PDE1C: variants seen among roughly 807,000 people sequenced by gnomAD.
The protein encoded by PDE1C is phosphodiesterase 1C.
A neutral mutation model predicts 93.1 loss-of-function variants in PDE1C; 62 were observed. That is an observed-to-expected ratio of 0.67 (90% CI 0.54 to 0.82). The LOEUF (loss-of-function observed/expected upper bound fraction) is 0.82, where lower values mean the gene tolerates loss of function less well. Ranked by LOEUF, PDE1C falls within the 40% of genes least tolerant of loss-of-function variation. The pLI, the probability that PDE1C is intolerant of heterozygous loss-of-function variation, is 0.00. For synonymous variants in PDE1C, 325 were observed against 310.1 expected, an observed-to-expected ratio of 1.05 and a Z score of -0.50; for missense variants, 742 against 884.6, an observed-to-expected ratio of 0.84 and a Z score of 2.04.
chr7:32,268,874 A>T (rs1375976348), intron 1 of PDE1C, among the ~76,000 whole-genome samples: 1 of 152,158 alleles, frequency 6.6e-6, no homozygotes, highest in Non-Finnish European at 1.5e-5. Context: ...AATGCTGTCC[A>T]GGGAGGGGGC....
chr7:32,308,485 T>C (rs1216695789), intron 1 of PDE1C, among the ~76,000 whole-genome samples: 1 of 152,142 alleles, frequency 6.6e-6, no homozygotes, highest in East Asian at 1.9e-4. Context: ...CACCCCCCAG[T>C]AGTGGCAGAC....
chr7:31,818,600 C>T (rs1468024922), intron 14 of PDE1C, among the ~76,000 whole-genome samples: 2 of 152,162 alleles, frequency 1.3e-5, no homozygotes, highest in Non-Finnish European at 2.9e-5. Flanking sequence ...AGTATATAAA[C>T]TCTAAGTCTT....
At chr7:31,701,851 G>A in the PDE1C span, among the ~76,000 whole-genome samples, 1 of 152,190 alleles carries the variant, frequency 6.6e-6, no homozygotes, top group South Asian at 2.1e-4. Context: ...TATTTTTAAA[G>A]ACATAATGCT....
At chr7:32,267,681 AC>A (rs1175883066) in intron 1 of PDE1C, among the ~76,000 whole-genome samples, 7 of 148,444 alleles carry the variant, frequency 4.7e-5, no homozygotes, top group African/African-American at 1.8e-4. Context: ...CTTCTCTAGC[AC>A]CCCTGGCAGT....
intron 2 of PDE1C, among the ~76,000 whole-genome samples, chr7:32,182,004 A>G (rs1803475832): frequency 6.6e-6 from 1 of 152,248 alleles, no homozygotes; most frequent in African/African-American, 2.4e-5. Flanking sequence ...AACTACCATC[A>G]GAGAATACTA....
At chr7:31,672,768 G>C in the PDE1C span, among the ~76,000 whole-genome samples, 1 of 151,518 alleles carries the variant, frequency 6.6e-6, no homozygotes, top group East Asian at 1.9e-4. Context: ...GAATGGGAAA[G>C]CTTTATAGTG....
At chr7:31,896,292 C>G (rs928251001) in intron 2 of PDE1C, among the ~76,000 whole-genome samples, 1 of 152,076 alleles carries the variant, frequency 6.6e-6, no homozygotes, top group Non-Finnish European at 1.5e-5. Flanking sequence ...GGGGTAGAAA[C>G]AGGACCTGTA....
At chr7:32,149,937 C>G (rs1032613656) in intron 3 of PDE1C, among the ~76,000 whole-genome samples, 1 of 152,150 alleles carries the variant, frequency 6.6e-6, no homozygotes, top group East Asian at 1.9e-4. Flanking sequence ...AAGTAATGAT[C>G]CCACATTCTG....
chr7:32,097,157 C>T (rs1048832546), intron 3 of PDE1C, among the ~76,000 whole-genome samples: 2 of 152,136 alleles, frequency 1.3e-5, no homozygotes, highest in Non-Finnish European at 2.9e-5. Flanking sequence ...TGAGACCTAC[C>T]TGCATGAGGG....
intron 2 of PDE1C, among the ~76,000 whole-genome samples, chr7:31,933,585 C>T (rs998583485): frequency 6.6e-6 from 1 of 152,164 alleles, no homozygotes; most frequent in African/African-American, 2.4e-5. Context: ...TCTGGATACT[C>T]GTCCCTGCCC....
chr7:32,334,320 T>A (rs975929251), intron 1 of PDE1C, among the ~76,000 whole-genome samples: 1 of 152,242 alleles, frequency 6.6e-6, no homozygotes, highest in African/African-American at 2.4e-5. Flanking sequence ...CTATATTTTT[T>A]AACATAATTC....
At chr7:31,808,809 A>T (rs73319142) in intron 16 of PDE1C, among the ~76,000 whole-genome samples, 2,152 of 152,100 alleles carry the variant, frequency 0.014, 48 homozygotes, top group African/African-American at 0.05. Context: ...AGGGTATAGA[A>T]AACATTTGTG....
chr7:32,239,395 T>C (rs964914556), intron 1 of PDE1C, among the ~76,000 whole-genome samples: 10 of 152,034 alleles, frequency 6.6e-5, no homozygotes, highest in South Asian at 4.2e-4. Context: ...TCTGTTTCTT[T>C]AAAAAAGAAA....
At chr7:32,422,114 C>A (rs1785443328) in intron 1 of PDE1C, among the ~76,000 whole-genome samples, 1 of 152,170 alleles carries the variant, frequency 6.6e-6, no homozygotes, top group Non-Finnish European at 1.5e-5. Flanking sequence ...AGGGGCCCCA[C>A]ACTTGCCCAT....
chr7:31,753,562 C>T lies in PDE1C; in HGVS notation c.1961-9G>A, dbSNP rs1224995151. ...CAAAGGAGGCTTGATGACTGGCGGC[C>T]ATGGAAAGGAAGACAGACAACGGTT... is the stretch of plus-strand genomic sequence containing the variant. On this transcript the variant is annotated splice_polypyrimidine_tract_variant and intron_variant, in intron 17 of 17. Transcript: ENST00000396191. 2 of 1,605,918 alleles carry T rather than the reference C, an allele frequency of 1.2e-6. No individual in the cohort carries two copies. The highest frequency in any genetic ancestry group is 1.7e-6 in the Non-Finnish European group (2 of 1,176,508).
chr7:32,112,838 GTGTGTGTGTATATATATATATATATA>G (rs1330461049), intron 3 of PDE1C, among the ~76,000 whole-genome samples: 17 of 61,320 alleles, frequency 2.8e-4, no homozygotes, highest in African/African-American at 1.5e-3. Context: ...GTGTGTGTGT[GTGTGTGTGTATATATATATATATATA>G]TATATATATC....
intron 1 of PDE1C, among the ~76,000 whole-genome samples, chr7:32,264,041 C>T (rs1000980208): frequency 2.6e-5 from 4 of 151,710 alleles, no homozygotes; most frequent in African/African-American, 7.3e-5. Context: ...ATGAAAATTC[C>T]ACCCACCCCC....
chr7:32,358,297 G>A (rs1318912314), intron 1 of PDE1C, among the ~76,000 whole-genome samples: 1 of 152,130 alleles, frequency 6.6e-6, no homozygotes, highest in Non-Finnish European at 1.5e-5. Context: ...TTTGTTCTTC[G>A]GAACTTAATG....
chr7:32,071,021 AGTC>A (rs1796001079), upstream of PDE1C: 1 of 985,206 alleles, frequency 1.0e-6, no homozygotes, highest in Non-Finnish European at 1.2e-6. Flanking sequence ...AAGTGAGAAA[AGTC>A]GTCTGTCAGC....
Sources: allele counts gnomAD v4.1 joint callset (sites outside exome capture counted in the v4.1 genomes callset), GRCh38; gene constraint gnomAD v4.1.1; transcripts MANE v1.5; gene names NCBI Gene and HGNC (gene_info 2026-07-23, HGNC 2026-07-21).